The following CCDC66 variants were observed in gnomAD, a reference collection of about 807,000 sequenced individuals.
CCDC66 encodes coiled-coil domain containing 66, also known as coiled-coil domain-containing protein 66.
CCDC66 carries 133 observed loss-of-function variants against 128.3 expected under a neutral mutation model. That is an observed-to-expected ratio of 1.04 (90% confidence interval 0.90 to 1.20). The LOEUF (loss-of-function observed/expected upper bound fraction) is 1.20, where lower values mean the gene tolerates loss of function less well. Ranked by LOEUF, CCDC66 falls within the 50% of genes most tolerant of loss-of-function variation. The pLI is 0.00. For missense variants in CCDC66, 1,126 were observed against 1,075.5 expected (o/e 1.05, Z -0.66); for synonymous variants, 387 against 357.0 (o/e 1.08, Z -0.95).
intron 6 of CCDC66, among the ~76,000 whole-genome samples, chr3:56,568,411 T>A (rs1225289300): frequency 6.6e-6 from 1 of 152,204 alleles, no homozygotes; most frequent in African/African-American, 2.4e-5. Flanking sequence ...CTGTATATCT[T>A]TTAGTATGAT....
Position 56,619,353 on chromosome 3 carries a change from A to G in CCDC66, c.2461A>G (p.Ser821Gly). 2 of 1,613,902 alleles carry G rather than the reference A, an allele frequency of 1.2e-6. No homozygotes were observed. The highest frequency in any genetic ancestry group is 1.7e-6 in the Non-Finnish European group (2 of 1,179,786). Reference protein sequence around the residue: ...NTLHLPLKNSSYERENLISGS... With the variant: ...NTLHLPLKNSGYERENLISGS... ...ATTACATTTACCACTAAAAAACAGT[A>G]GCTATGAGAGAGAGAATTTGATCTC... The change falls in exon 16 of 18, where the codon AGC becomes GGC. Residue 821 changes from serine to glycine, a missense_variant. By Grantham distance (56) the Ser-to-Gly change is moderately conservative. Transcript: ENST00000394672.
In CCDC66 at chr3:56,583,886, G is replaced by GC. The variant is rs1244928774; in HGVS notation, c.937-9078dup. Among the ~76,000 whole-genome samples, 437 of 138,176 alleles carry GC rather than the reference G, an allele frequency of 3.2e-3. 5 individuals carry two copies. The highest frequency in any genetic ancestry group is 8.9e-3 in the African/African-American group (315 of 35,470). The allele number at this position is 138,176 out of a possible 152,430, so 90.6% of individuals were successfully genotyped here. On this transcript the variant is annotated intron_variant, in intron 7 of 17. Transcript: ENST00000394672. ...CCAGAAGGGGCGGCCGGGCAGAGGC[G>GC]CCCCCCACCTCCCGGATGGGGCGGC... is the stretch of plus-strand genomic sequence containing the variant.
intron 15 of CCDC66, 180 bp from the exon 16 acceptor site, chr3:56,619,091 G>A (rs747762731): frequency 2.4e-5 from 13 of 532,490 alleles, no homozygotes; most frequent in East Asian, 2.0e-4. Flanking sequence ...TGTGGCGTGC[G>A]CCTGTAATCC....
rs2076037579 is a variant in CCDC66, at chr3:56,619,405, C to T, written c.2513C>T (p.Ser838Phe). 1 of 1,613,918 alleles carries T rather than the reference C, an allele frequency of 6.2e-7. No homozygotes were observed. ...GGAAGTAATCAAACAGAATTATCAT[C>T]TGGGATTTCTGAATCATCCCATTTT... ...ISGSNQTELS[S>F]GISESSHFIP... The change falls in exon 16 of 18, where the codon TCT becomes TTT. Residue 838 changes from serine (S) to phenylalanine (F), a missense_variant. Coordinates refer to ENST00000394672, the MANE Select transcript of CCDC66 (RefSeq NM_001141947.3).
chr3:56,614,616 T>A (rs1281229550), intron 11 of CCDC66, among the ~76,000 whole-genome samples: 1 of 152,198 alleles, frequency 6.6e-6, no homozygotes, highest in Non-Finnish European at 1.5e-5. Context: ...ACTCACTTGC[T>A]AAAGTTTTAA....
intron 7 of CCDC66, among the ~76,000 whole-genome samples, chr3:56,579,376 T>A (rs1345145173): frequency 6.6e-6 from 1 of 151,830 alleles, no homozygotes; most frequent in Non-Finnish European, 1.5e-5. Flanking sequence ...ATTCATTGAT[T>A]TTTTTTGAAG....
At chr3:56,594,436 C>G (rs1178601741) in intron 10 of CCDC66, among the ~76,000 whole-genome samples, 2 of 151,994 alleles carry the variant, frequency 1.3e-5, no homozygotes, top group Non-Finnish European at 2.9e-5. Context: ...CCTGTAATCC[C>G]AGCACTTTGG....
At chr3:56,613,454 A>G in intron 10 of CCDC66, 135 bp from the exon 11 acceptor site, 1 of 872,500 alleles carries the variant, frequency 1.1e-6, no homozygotes, top group Non-Finnish European at 1.7e-6. Context: ...TACGTGAAGT[A>G]TGATTGTCTA....
At chr3:56,612,856 C>T (rs1171955489) in intron 10 of CCDC66, among the ~76,000 whole-genome samples, 1 of 152,196 alleles carries the variant, frequency 6.6e-6, no homozygotes, top group Non-Finnish European at 1.5e-5. Context: ...CAAGGCTGGG[C>T]AGACCTGCCC....
chr3:56,566,547 C>G (rs1369046337), intron 4 of CCDC66, 47 bp from the exon 5 acceptor site: 2 of 1,231,372 alleles, frequency 1.6e-6, no homozygotes, highest in Non-Finnish European at 1.2e-6. Flanking sequence ...AGTATTATAA[C>G]AGATGTAATT....
chr3:56,586,144 G>T (rs55938093), intron 7 of CCDC66, among the ~76,000 whole-genome samples: 58,358 of 151,832 alleles, frequency 0.38, 13,970 homozygotes, highest in Non-Finnish European at 0.54. Context: ...TTAGAATATT[G>T]TGCAAAGTGT....
chr3:56,606,757 G>C (rs1024204948), intron 10 of CCDC66, among the ~76,000 whole-genome samples: 1 of 151,458 alleles, frequency 6.6e-6, no homozygotes, highest in Non-Finnish European at 1.5e-5. Context: ...CCATCTTCTA[G>C]AATTTTTATA....
chr3:56,619,170 G>T (rs1578093836), intron 15 of CCDC66, 101 bp from the exon 16 acceptor site: 1 of 1,008,750 alleles, frequency 9.9e-7, no homozygotes, highest in East Asian at 2.7e-5. Flanking sequence ...CTCCAGCCTG[G>T]GCAACAGAGC....
At chr3:56,571,674 A>G (rs1011240648) in intron 7 of CCDC66, among the ~76,000 whole-genome samples, 1 of 152,112 alleles carries the variant, frequency 6.6e-6, no homozygotes, top group Non-Finnish European at 1.5e-5. Flanking sequence ...CACCGTGCCC[A>G]GCCTATTTAA....
At position 56,558,837 on chromosome 3, in the gene CCDC66, T is replaced by G; in HGVS notation, c.12-9T>G. On this transcript the variant is annotated splice_polypyrimidine_tract_variant and intron_variant, in intron 1 of 17. Transcript: ENST00000394672. Reference sequence around the variant, plus strand: ...AAAAATGAGAGACAACTTTCTTTTTTTATTACAGAGATGGTTTAAAGCTTG... The same window carrying G: ...AAAAATGAGAGACAACTTTCTTTTTGTATTACAGAGATGGTTTAAAGCTTG... 2 of 1,542,814 alleles carry G rather than the reference T, an allele frequency of 1.3e-6. No homozygotes were observed. Among genetic ancestry groups the G allele is most frequent in the Non-Finnish European group, 1.8e-6 (2 of 1,139,798 alleles).
rs780153113 is a variant in CCDC66 at position 56,615,259 on chromosome 3, T to A, written c.1698T>A (p.Ile566=). 2 of 1,610,732 alleles carry A rather than the reference T, an allele frequency of 1.2e-6. No homozygotes were observed. Among genetic ancestry groups the A allele is most frequent in the East Asian group, 2.2e-5 (1 of 44,844 alleles). ...AGGGACATGACACTTCTAGACTGAT[T>A]AAAAATCTTGGTGGTAAGGGCCTAA... ...AQKGHDTSRL[I]KNLGVDTIQM... The change falls in exon 12 of 18, where the codon ATT becomes ATA. Residue 566 remains isoleucine (I), a synonymous_variant. Transcript: ENST00000394672.
At chr3:56,605,028 A>G (rs1305343877) in intron 10 of CCDC66, among the ~76,000 whole-genome samples, 2 of 151,918 alleles carry the variant, frequency 1.3e-5, no homozygotes, top group Admixed American at 6.6e-5. Flanking sequence ...TTGATCTTCA[A>G]TCACTGATAC....
At position 56,574,490 on chromosome 3, in the gene CCDC66, G is replaced by T. The variant is rs577802524; in HGVS notation, c.936+3188G>T. Among the ~76,000 whole-genome samples, 38 of 151,924 alleles carry T rather than the reference G, an allele frequency of 2.5e-4. 1 individual carries two copies. The highest frequency in any genetic ancestry group is 4.0e-4 in the Non-Finnish European group (27 of 68,010). On this transcript the variant is annotated intron_variant, in intron 7 of 17. Transcript: ENST00000394672. ...CCCTCTTCTCAAATACCTTAGAGCA[G>T]TTGTTTTCAGAAATCCCAGCTGTAG...
In CCDC66 at chr3:56,617,256, CT is replaced by C; in HGVS notation, c.1989del (p.Gln664ArgfsTer7). ...ACCAAGAAAAACAAGCAAGAACTAACTCAGGATAAAGGAGCCAGCTTAGAAA... is the reference window on the plus strand; with the variant it reads ...ACCAAGAAAAACAAGCAAGAACTAACCAGGATAAAGGAGCCAGCTTAGAAA... ...FSTKKNKQEL[T>X]QDKGASLEKE... is the part of the protein sequence containing the mutation. On this transcript the variant is annotated frameshift_variant, in exon 14 of 18. Transcript: ENST00000394672. LOFTEE classifies it high-confidence loss of function. The C allele has an allele frequency of 4.3e-6, 7 of 1,613,864 alleles. No homozygotes were observed. The highest frequency in any genetic ancestry group is 5.1e-6 in the Non-Finnish European group (6 of 1,179,954).
Sources: allele counts gnomAD v4.1 joint callset (sites outside exome capture counted in the v4.1 genomes callset), GRCh38; gene constraint gnomAD v4.1.1; transcripts MANE v1.5; gene names NCBI Gene and HGNC (gene_info 2026-07-23, HGNC 2026-07-21).